CSMD1: variants seen among roughly 807,000 people sequenced by gnomAD.
CSMD1 encodes the protein CUB and sushi domain-containing protein 1.
CSMD1 carries 213 observed loss-of-function variants against 417.5 expected under a neutral mutation model. That is an observed-to-expected ratio of 0.51 (90% confidence interval 0.46 to 0.57). The LOEUF is 0.57. Among genes scored for constraint, CSMD1 ranks in the 20% least tolerant of loss-of-function variants. CSMD1 has a pLI of 0.00. For missense variants in CSMD1, 6,923 were observed against 4,529.7 expected (o/e 1.53, Z -15.17); for synonymous variants, 2,862 against 1,736.8 (o/e 1.65, Z -16.11).
chr8:4,670,108 C>A (rs1225060919), intron 1 of CSMD1, among the ~76,000 whole-genome samples: 6 of 152,280 alleles, frequency 3.9e-5, no homozygotes, highest in Admixed American at 2.6e-4. Context: ...TAAGATAGGG[C>A]AAACTTTCTG....
At chr8:3,751,181 G>T (rs902443604) in intron 6 of CSMD1, among the ~76,000 whole-genome samples, 1 of 152,012 alleles carries the variant, frequency 6.6e-6, no homozygotes, top group Non-Finnish European at 1.5e-5. Flanking sequence ...GCCTTGAAAT[G>T]TTTCCTAATG....
chr8:3,053,232 G>C (rs984462046), intron 49 of CSMD1, among the ~76,000 whole-genome samples: 2 of 152,188 alleles, frequency 1.3e-5, no homozygotes, highest in African/African-American at 4.8e-5. Flanking sequence ...CTCTCATGCA[G>C]CTTAGCCGCA....
chr8:4,557,426 G>A (rs548485818), intron 2 of CSMD1, among the ~76,000 whole-genome samples: 1 of 148,934 alleles, frequency 6.7e-6, no homozygotes, highest in African/African-American at 2.5e-5. Flanking sequence ...GAAAATCTGC[G>A]AGGTTTTTTT....
intron 10 of CSMD1, among the ~76,000 whole-genome samples, chr8:3,565,819 G>GT (rs146715318): frequency 0.04 from 5,917 of 149,234 alleles, 306 homozygotes; most frequent in African/African-American, 0.12. Flanking sequence ...CAAATATATT[G>GT]TTTTTTTTTT....
rs1307952828 is a variant in CSMD1, at chr8:4,242,253, C to T, written c.415+177700G>A. Among the ~76,000 whole-genome samples, 3 of 152,210 alleles carry T rather than the reference C, an allele frequency of 2.0e-5. No homozygotes were observed. The East Asian group carries it at 5.8e-4, about 29-fold the overall frequency. On this transcript the variant is annotated intron_variant, in intron 3 of 69. Coordinates refer to ENST00000635120, the MANE Select transcript of CSMD1 (RefSeq NM_033225.6). ...TAAGAAATTTGCCAATCTTTATAAA[C>T]ATCATCTTCTGTGAATGCTTTACAG...
intron 1 of CSMD1, among the ~76,000 whole-genome samples, chr8:4,868,679 C>G (rs1472862369): frequency 6.6e-6 from 1 of 151,916 alleles, no homozygotes; most frequent in Non-Finnish European, 1.5e-5. Flanking sequence ...AAAAACACAA[C>G]TAACAGTATG....
Position 4,103,437 on chromosome 8 carries a change from A to T in CSMD1, c.416-71338T>A, listed in dbSNP as rs185793041. Among the ~76,000 whole-genome samples, 421 of 151,264 alleles carry T rather than the reference A, an allele frequency of 2.8e-3. 2 individuals carry two copies. Among genetic ancestry groups the T allele is most frequent in the Middle Eastern group, 7.0e-3 (2 of 284 alleles). On this transcript the variant is annotated intron_variant, in intron 3 of 69. Transcript: ENST00000635120. Reference sequence around the variant, plus strand: ...AAACCTTGGCTTTTTTGTCTGTTAAAAAAGGGTACCATAACATCCACATGA... The same window carrying T: ...AAACCTTGGCTTTTTTGTCTGTTAATAAAGGGTACCATAACATCCACATGA...
At chr8:4,415,695 C>T (rs949348762) in intron 3 of CSMD1, among the ~76,000 whole-genome samples, 2 of 152,156 alleles carry the variant, frequency 1.3e-5, no homozygotes, top group Admixed American at 6.5e-5. Flanking sequence ...CCCGTGAATG[C>T]TGATTAAATA....
chr8:4,182,073 A>C (rs1798412544), intron 3 of CSMD1, among the ~76,000 whole-genome samples: 2 of 151,840 alleles, frequency 1.3e-5, no homozygotes, highest in Admixed American at 1.3e-4. Flanking sequence ...TACCTAAATT[A>C]GGTATTTAAA....
At chr8:3,625,934 G>C (rs1427933133) in intron 7 of CSMD1, among the ~76,000 whole-genome samples, 1 of 152,106 alleles carries the variant, frequency 6.6e-6, no homozygotes, top group Non-Finnish European at 1.5e-5. Context: ...AAGAGAAAAT[G>C]TTTTCCTTAT....
intron 3 of CSMD1, among the ~76,000 whole-genome samples, chr8:4,137,847 C>G (rs1647356): frequency 0.2 from 27,515 of 137,748 alleles, 4,287 homozygotes; most frequent in East Asian, 0.32. Flanking sequence ...GTTATTTTAC[C>G]TTTTGGATGC....
chr8:3,886,243 T>A (rs1482044588), intron 5 of CSMD1, among the ~76,000 whole-genome samples: 4 of 152,060 alleles, frequency 2.6e-5, no homozygotes, highest in African/African-American at 7.2e-5. Context: ...GAGATGGGGT[T>A]TCACCATGTT....
intron 2 of CSMD1, among the ~76,000 whole-genome samples, chr8:4,501,602 T>A (rs1159997162): frequency 1.3e-5 from 2 of 152,116 alleles, no homozygotes; most frequent in African/African-American, 2.4e-5. Context: ...CAGAAATAAA[T>A]AATGTATAAG....
At chr8:3,561,051 A>G (rs1799447516) in intron 10 of CSMD1, among the ~76,000 whole-genome samples, 1 of 152,210 alleles carries the variant, frequency 6.6e-6, no homozygotes, top group Admixed American at 6.5e-5. Context: ...AATGCCCAGC[A>G]TCACTAATCA....
intron 5 of CSMD1, among the ~76,000 whole-genome samples, chr8:3,785,533 C>T (rs1799411670): frequency 6.6e-6 from 1 of 152,210 alleles, no homozygotes; most frequent in Admixed American, 6.5e-5. Flanking sequence ...TGTACTTCCA[C>T]AAACACAATC....
At chr8:4,368,327 G>A (rs1223314972) in intron 3 of CSMD1, among the ~76,000 whole-genome samples, 5 of 152,102 alleles carry the variant, frequency 3.3e-5, no homozygotes, top group African/African-American at 4.8e-5. Flanking sequence ...TTAGATCACA[G>A]GTATACAGCC....
intron 3 of CSMD1, among the ~76,000 whole-genome samples, chr8:4,248,183 G>A (rs935524347): frequency 1.3e-5 from 2 of 152,008 alleles, no homozygotes; most frequent in African/African-American, 2.4e-5. Flanking sequence ...TGAAGCCCTG[G>A]AAATTTCATG....
chr8:3,687,261 T>C (rs1183260301), intron 7 of CSMD1, among the ~76,000 whole-genome samples: 1 of 152,196 alleles, frequency 6.6e-6, no homozygotes, highest in East Asian at 1.9e-4. Context: ...CAGCTTAGCA[T>C]TTCCAGGACC....
chr8:3,481,662 C>T (rs1294400787), intron 11 of CSMD1, among the ~76,000 whole-genome samples: 4 of 152,164 alleles, frequency 2.6e-5, no homozygotes, highest in African/African-American at 9.7e-5. Context: ...CCACTAGTAT[C>T]CATATAAGAG....
Sources: gnomAD v4.1 joint callset for allele counts (sites outside exome capture counted in the v4.1 genomes callset) on GRCh38, gnomAD v4.1.1 for gene constraint, MANE v1.5 for transcripts, NCBI Gene and HGNC (gene_info 2026-07-23, HGNC 2026-07-21) for gene names.